The following RASGRF1 variants were observed in gnomAD, a reference collection of about 807,000 sequenced individuals.
RASGRF1 encodes the protein Ras protein specific guanine nucleotide releasing factor 1, also known as ras-specific guanine nucleotide-releasing factor 1.
In RASGRF1, 40 loss-of-function variants were observed where a neutral mutation model predicts 138.7. The ratio of observed to expected loss-of-function variants is 0.29; its 90% confidence interval spans 0.22 to 0.38. The LOEUF (loss-of-function observed/expected upper bound fraction) is 0.38, where lower values mean the gene tolerates loss of function less well. RASGRF1 is among the 10% of genes least tolerant of loss of function. RASGRF1 has a pLI of 1.00. For synonymous variants in RASGRF1, 614 were observed against 663.2 expected, an observed-to-expected ratio of 0.93 and a Z score of 1.14; for missense variants, 1,108 against 1,650.4, an observed-to-expected ratio of 0.67 and a Z score of 5.69.
intron 1 of RASGRF1, among the ~76,000 whole-genome samples, chr15:79,085,978 G>A (rs2057974282): frequency 6.6e-6 from 1 of 152,188 alleles, no homozygotes; most frequent in African/African-American, 2.4e-5. Context: ...ATATTCCCTT[G>A]TCCCACTCCA....
chr15:79,038,803 A>C (rs1337617946), intron 5 of RASGRF1, among the ~76,000 whole-genome samples: 3 of 151,892 alleles, frequency 2.0e-5, no homozygotes, highest in Non-Finnish European at 4.4e-5. Flanking sequence ...ATCTTTCCCC[A>C]CTCCCAAACT....
At chr15:79,064,666 T>C (rs1481311764) in intron 1 of RASGRF1, 140 bp from the exon 2 acceptor site, 1 of 784,104 alleles carries the variant, frequency 1.3e-6, no homozygotes, top group East Asian at 2.5e-5. Context: ...ATAATCAGAA[T>C]GCCATTCTAT....
chr15:79,066,303 A>G (rs2057679817), intron 1 of RASGRF1, among the ~76,000 whole-genome samples: 1 of 152,204 alleles, frequency 6.6e-6, no homozygotes. Flanking sequence ...GCGGGAAAGC[A>G]GAGAAGCTGG....
Position 79,006,805 on chromosome 15 carries a change from A to G in RASGRF1, c.1827-371T>C, listed in dbSNP as rs1325530822. Among the ~76,000 whole-genome samples, 1 of 152,162 alleles carries G rather than the reference A, an allele frequency of 6.6e-6. No homozygotes were observed. The stretch of plus-strand genomic sequence containing the variant: ...GGTGGGAGGATCACTTGAGGTCAGG[A>G]GCTCAAGACCAGCCTGGGCAACATG... On this transcript the variant is annotated intron_variant, in intron 13 of 26. Coordinates refer to ENST00000558480, the MANE Select transcript of RASGRF1 (RefSeq NM_001145648.3). This position sits in a 1 kb window ranked among gnomAD's most constrained non-coding sequence, Gnocchi z 4.0.
chr15:79,001,637 G>T (rs149865774), intron 16 of RASGRF1, 25 bp downstream of exon 16: 1 of 1,611,306 alleles, frequency 6.2e-7, no homozygotes, highest in Non-Finnish European at 8.5e-7. Flanking sequence ...AAATCTATTT[G>T]TGGTTTTGAA....
At position 79,052,938 on chromosome 15, in the gene RASGRF1, T is replaced by C. The variant is rs146565666; in HGVS notation, c.532-3350A>G. 3.6e-3 allele frequency among the ~76,000 whole-genome samples: 550 copies of C among 152,236 alleles called. 3 individuals carry two copies. Among genetic ancestry groups the C allele is most frequent in the African/African-American group, 0.013 (524 of 41,534 alleles). On this transcript the variant is annotated intron_variant, in intron 3 of 26. Coordinates refer to ENST00000558480, the MANE Select transcript of RASGRF1 (RefSeq NM_001145648.3). Reference sequence around the variant, plus strand: ...CCCCAGAGCAGTCTTCTATCTATTTTGTATATTGGGGTTCCACATCAAAGT... The same window carrying C: ...CCCCAGAGCAGTCTTCTATCTATTTCGTATATTGGGGTTCCACATCAAAGT...
intron 26 of RASGRF1, among the ~76,000 whole-genome samples, chr15:78,962,720 A>G (rs2055571464): frequency 6.6e-6 from 1 of 151,946 alleles, no homozygotes; most frequent in Non-Finnish European, 1.5e-5. Flanking sequence ...CTGTTTCTAC[A>G]AAAAATCAAA....
Position 79,058,188 on chromosome 15 carries a change from A to G in RASGRF1, c.531+146T>C, listed in dbSNP as rs1015731811. 5.7e-6 allele frequency: 7 copies of G among 1,235,786 alleles called. No individual in the cohort carries two copies. In the African/African-American group the frequency reaches 9.1e-5, roughly 16 times the overall value. 76.6% of individuals were successfully genotyped at this position (1,235,786 alleles called of 1,614,324 possible). On this transcript the variant is annotated intron_variant, in intron 3 of 26. Transcript: ENST00000558480. Reference sequence around the variant, plus strand: ...CACAGGACCTTCTCATTCTGCCAGTACCACCACGTCCTAAGTTTGGAGTCT... The same window carrying G: ...CACAGGACCTTCTCATTCTGCCAGTGCCACCACGTCCTAAGTTTGGAGTCT...
chr15:78,993,669 T>C (rs1156986999), intron 20 of RASGRF1, among the ~76,000 whole-genome samples: 1 of 152,080 alleles, frequency 6.6e-6, no homozygotes, highest in East Asian at 1.9e-4. Context: ...CACCTTCCCA[T>C]CTGAGGGTCC....
At chr15:79,075,265 A>T (rs1012476143) in intron 1 of RASGRF1, among the ~76,000 whole-genome samples, 2 of 152,220 alleles carry the variant, frequency 1.3e-5, no homozygotes, top group Non-Finnish European at 2.9e-5. Flanking sequence ...CAGAAATCAC[A>T]TCTGGGGTTG....
At chr15:78,990,104 G>A (rs779926831) in intron 22 of RASGRF1, 85 bp downstream of exon 22, 19 of 1,123,166 alleles carry the variant, frequency 1.7e-5, no homozygotes, top group South Asian at 1.5e-4. Flanking sequence ...TTCCAGCCAG[G>A]TGTATAGCCC....
At chr15:78,977,099 G>A (rs767885559) in intron 24 of RASGRF1, among the ~76,000 whole-genome samples, 4 of 152,202 alleles carry the variant, frequency 2.6e-5, no homozygotes, top group Non-Finnish European at 5.9e-5. Flanking sequence ...TGGGGGACCA[G>A]CTGCTGCTGG....
chr15:78,978,996 C>CAGAGGCAGT (rs1289719993), intron 24 of RASGRF1: 2 of 1,292,204 alleles, frequency 1.5e-6, no homozygotes, highest in African/African-American at 3.0e-5. Flanking sequence ...TGGGGGGCCC[C>CAGAGGCAGT]AGAGGCAGTG....
chr15:78,994,546 C>T (rs890539371), intron 20 of RASGRF1, among the ~76,000 whole-genome samples: 1 of 152,184 alleles, frequency 6.6e-6, no homozygotes. Context: ...TCTTGAGTAT[C>T]CCCAGCCGCT....
chr15:79,026,647 G>A (rs938281381), intron 9 of RASGRF1, among the ~76,000 whole-genome samples: 6 of 152,184 alleles, frequency 3.9e-5, no homozygotes, highest in Non-Finnish European at 7.4e-5. Context: ...GGTCCAGCCC[G>A]GCTGGAGAGG....
intron 26 of RASGRF1, among the ~76,000 whole-genome samples, chr15:78,964,239 A>T (rs1009035628): frequency 6.6e-6 from 1 of 151,820 alleles, no homozygotes; most frequent in African/African-American, 2.4e-5. Context: ...CAGTGGCGCC[A>T]TCTTGGCTCA....
chr15:78,995,920 C>G, intron 19 of RASGRF1, 120 bp from the exon 20 acceptor site: 2 of 886,152 alleles, frequency 2.3e-6, no homozygotes, highest in Non-Finnish European at 3.6e-6. Flanking sequence ...ATCCCCATTG[C>G]CAGGAGCACC....
chr15:79,070,695 TG>T (rs1337883826), intron 1 of RASGRF1, among the ~76,000 whole-genome samples: 1 of 152,232 alleles, frequency 6.6e-6, no homozygotes, highest in Non-Finnish European at 1.5e-5. Flanking sequence ...AGTGAGATAA[TG>T]CTGGTGCCTG....
chr15:78,999,834 C>G lies in RASGRF1; in HGVS notation c.2655G>C (p.Ser885=), dbSNP rs748675440. 6.2e-7 allele frequency: 1 copy of G among 1,614,114 alleles called. No homozygotes were observed. Among genetic ancestry groups the G allele is most frequent in the Non-Finnish European group, 8.5e-7 (1 of 1,179,986 alleles). The change falls in exon 17 of 27, where the codon TCG becomes TCC. Residue 885 remains serine (S), a synonymous_variant. Coordinates refer to ENST00000558480, the MANE Select transcript of RASGRF1 (RefSeq NM_001145648.3). ...TTGCTATGGCAAAGGCAGAGGCGGC[C>G]GACAAGGCACTGCGGTTATTGTCCA... ...RELDNNRSAL[S]AASAFAIATA... is the part of the protein sequence containing the mutation.
Sources: allele counts gnomAD v4.1 joint callset (sites outside exome capture counted in the v4.1 genomes callset), GRCh38; gene constraint gnomAD v4.1.1; non-coding constraint Gnocchi (gnomAD v3.1); transcripts MANE v1.5; gene names NCBI Gene and HGNC (gene_info 2026-07-23, HGNC 2026-07-21).